Variants in EPHA7 observed in about 807,000 individuals in gnomAD.
EPHA7 encodes EPH receptor A7.
Under a neutral mutation model 112.6 loss-of-function variants are expected in EPHA7, and 25 were observed. The observed-to-expected ratio is 0.22, with a 90% CI of 0.16 to 0.31. The LOEUF (loss-of-function observed/expected upper bound fraction) is 0.31, where lower values mean the gene tolerates loss of function less well. Ranked by LOEUF, EPHA7 falls within the 10% of genes least tolerant of loss-of-function variation. The pLI is 1.00. For missense variants in EPHA7, 962 were observed against 1,212.6 expected (o/e 0.79, Z 3.07); for synonymous variants, 437 against 406.5 (o/e 1.07, Z -0.90).
intron 3 of EPHA7, among the ~76,000 whole-genome samples, chr6:93,399,457 T>A (rs970132842): frequency 2.6e-5 from 4 of 152,118 alleles, no homozygotes; most frequent in South Asian, 2.1e-4. Context: ...TTATTATTTT[T>A]AAAATGTGAA....
chr6:93,301,211 C>T (rs1772959906), intron 5 of EPHA7, among the ~76,000 whole-genome samples: 1 of 151,954 alleles, frequency 6.6e-6, no homozygotes. Flanking sequence ...AATGTATTTT[C>T]TTTTAAGTTT....
chr6:93,374,777 C>T (rs1776968998), intron 3 of EPHA7, among the ~76,000 whole-genome samples: 2 of 152,110 alleles, frequency 1.3e-5, no homozygotes, highest in Non-Finnish European at 2.9e-5. Context: ...ATCTGTAATA[C>T]AGGAATAATA....
chr6:93,363,353 A>G (rs1313956022), intron 3 of EPHA7, among the ~76,000 whole-genome samples: 2 of 152,174 alleles, frequency 1.3e-5, no homozygotes, highest in Admixed American at 1.3e-4. Flanking sequence ...AAGTGCAAAA[A>G]TTAAAATCCA....
Position 93,254,733 on chromosome 6 carries a change from C to T in EPHA7, c.2446G>A (p.Ala816Thr). The T allele has an allele frequency of 6.2e-7, 1 of 1,613,346 alleles. No homozygotes were observed. Among genetic ancestry groups the T allele is most frequent in the Non-Finnish European group, 8.5e-7 (1 of 1,179,458 alleles). ...EAIQYRKFTS[A>T]SDVWSYGIVM... ...ATTCCATAGCTCCATACATCACTGGCTGATGTGAATTTCCGGTACTGGATG... is the reference window on the plus strand; with the variant it reads ...ATTCCATAGCTCCATACATCACTGGTTGATGTGAATTTCCGGTACTGGATG... Residue 816 changes from alanine to threonine, a missense_variant, in exon 14 of 17, where the codon GCC becomes ACC. Coordinates refer to ENST00000369303, the MANE Select transcript of EPHA7 (RefSeq NM_004440.4).
intron 14 of EPHA7, among the ~76,000 whole-genome samples, chr6:93,247,860 T>C (rs1770027949): frequency 6.6e-6 from 1 of 152,162 alleles, no homozygotes. Context: ...AATAGGCCCC[T>C]ATAAACATTT....
intron 5 of EPHA7, among the ~76,000 whole-genome samples, chr6:93,339,042 A>C (rs1775014752): frequency 1.3e-5 from 2 of 151,086 alleles, no homozygotes; most frequent in South Asian, 4.1e-4. Flanking sequence ...TTTATTAAAT[A>C]ACAATTTCTC....
chr6:93,305,335 A>C (rs1582485623), intron 5 of EPHA7, among the ~76,000 whole-genome samples: 2 of 151,940 alleles, frequency 1.3e-5, no homozygotes, highest in Admixed American at 1.3e-4. Flanking sequence ...CAAAAAAAAA[A>C]AGTAAGAGGC....
chr6:93,306,064 T>C (rs1231549281), intron 5 of EPHA7, among the ~76,000 whole-genome samples: 1 of 152,000 alleles, frequency 6.6e-6, no homozygotes, highest in Non-Finnish European at 1.5e-5. Flanking sequence ...AAAATCACTA[T>C]TTATGCAAGA....
At position 93,274,629 on chromosome 6, in the gene EPHA7, CT is replaced by C. The variant is rs555719182; in HGVS notation, c.1325-2208del. ...CTCCTGAATTCTTCTATATTTCTTT[CT>C]TTTTTTCTTGTATCCCTTGCTGATA... On this transcript the variant is annotated intron_variant, in intron 5 of 16. Coordinates refer to ENST00000369303, the MANE Select transcript of EPHA7 (RefSeq NM_004440.4). Among the ~76,000 whole-genome samples, 17 of 151,878 alleles carry C rather than the reference CT, an allele frequency of 1.1e-4. No individual in the cohort carries two copies. In the South Asian group the frequency reaches 2.9e-3, roughly 26 times the overall value.
chr6:93,383,423 C>T (rs1334074654), intron 3 of EPHA7, among the ~76,000 whole-genome samples: 1 of 151,706 alleles, frequency 6.6e-6, no homozygotes. Flanking sequence ...CGTGAGGAAA[C>T]TTAAAGTTAT....
intron 5 of EPHA7, among the ~76,000 whole-genome samples, chr6:93,340,194 G>C (rs1775073328): frequency 6.6e-6 from 1 of 151,718 alleles, no homozygotes; most frequent in Non-Finnish European, 1.5e-5. Context: ...ATACATATCT[G>C]AGTGTGTATG....
intron 5 of EPHA7, among the ~76,000 whole-genome samples, chr6:93,314,725 T>C (rs1464873828): frequency 6.6e-6 from 1 of 152,198 alleles, no homozygotes; most frequent in Non-Finnish European, 1.5e-5. Context: ...AATTGAACTA[T>C]GAATTTTATT....
intron 3 of EPHA7, among the ~76,000 whole-genome samples, chr6:93,389,345 A>G (rs1777788997): frequency 6.6e-6 from 1 of 152,072 alleles, no homozygotes; most frequent in South Asian, 2.1e-4. Flanking sequence ...GATACTGCTA[A>G]TATTTCCCAC....
intron 3 of EPHA7, among the ~76,000 whole-genome samples, chr6:93,375,973 T>C (rs1444057542): frequency 6.6e-6 from 1 of 152,142 alleles, no homozygotes; most frequent in Non-Finnish European, 1.5e-5. Context: ...GAACATTCAT[T>C]ATAAAAGATT....
intron 5 of EPHA7, among the ~76,000 whole-genome samples, chr6:93,305,845 T>A (rs547631337): frequency 6.6e-6 from 1 of 151,956 alleles, no homozygotes. Flanking sequence ...TGTTGTCATA[T>A]AACCTGCATG....
At chr6:93,306,346 A>T (rs1773257777) in intron 5 of EPHA7, among the ~76,000 whole-genome samples, 1 of 152,050 alleles carries the variant, frequency 6.6e-6, no homozygotes, top group Non-Finnish European at 1.5e-5. Context: ...TCCTCAGGGA[A>T]TTTGCCAAGA....
intron 14 of EPHA7, 90 bp downstream of exon 14, chr6:93,254,557 G>T (rs1770353134): frequency 1.0e-6 from 1 of 969,554 alleles, no homozygotes; most frequent in Admixed American, 2.7e-5. Context: ...TTATTTAAAA[G>T]TGTTCTTAAT....
intron 5 of EPHA7, among the ~76,000 whole-genome samples, chr6:93,323,166 C>T (rs766577849): frequency 2.0e-5 from 3 of 151,536 alleles, no homozygotes; most frequent in Admixed American, 6.6e-5. Context: ...TCTACATATT[C>T]GTCTCTTTAT....
chr6:93,371,004 GA>G (rs965704230), intron 3 of EPHA7, among the ~76,000 whole-genome samples: 1 of 145,162 alleles, frequency 6.9e-6, no homozygotes, highest in Non-Finnish European at 1.5e-5. Flanking sequence ...AAAAAAAAAA[GA>G]AAAAAAAACT....
Sources: gnomAD v4.1 joint callset for allele counts (sites outside exome capture counted in the v4.1 genomes callset) on GRCh38, gnomAD v4.1.1 for gene constraint, MANE v1.5 for transcripts, NCBI Gene and HGNC (gene_info 2026-07-23, HGNC 2026-07-21) for gene names.